The following NUGGC variants were observed in gnomAD, a reference collection of about 807,000 sequenced individuals.
NUGGC encodes nuclear GTPase, germinal center associated.
Under a neutral mutation model 92.6 loss-of-function variants are expected in NUGGC, and 58 were observed. The observed-to-expected ratio is 0.63, with a 90% CI of 0.51 to 0.78. NUGGC has a LOEUF of 0.78. NUGGC is among the 30% of genes least tolerant of loss of function. The probability of loss-of-function intolerance (pLI) is 0.00; values close to 1 mark genes in which losing one functional copy is unlikely to be tolerated. For synonymous variants in NUGGC, 376 were observed against 366.4 expected (o/e 1.03, Z -0.30); for missense variants, 925 against 964.6 (o/e 0.96, Z 0.54).
At chr8:28,042,595 C>T (rs1809728030) in intron 12 of NUGGC, among the ~76,000 whole-genome samples, 2 of 152,176 alleles carry the variant, frequency 1.3e-5, no homozygotes, top group Non-Finnish European at 2.9e-5. Flanking sequence ...ACTGCACTTC[C>T]CACAGTCCTG....
At chr8:28,023,821 A>C (rs962864914) in intron 18 of NUGGC, among the ~76,000 whole-genome samples, 4 of 151,942 alleles carry the variant, frequency 2.6e-5, no homozygotes, top group Non-Finnish European at 5.9e-5. Context: ...CTCCCAGCAC[A>C]ACCCATTCTC....
chr8:28,056,182 A>C (rs1185234385), intron 9 of NUGGC, 128 bp from the exon 10 acceptor site: 10 of 586,624 alleles, frequency 1.7e-5, no homozygotes, highest in Admixed American at 3.1e-5. Context: ...GCACTGTATT[A>C]GAATTATACA....
At chr8:28,037,023 C>T (rs769521024) in intron 13 of NUGGC, among the ~76,000 whole-genome samples, 5 of 152,084 alleles carry the variant, frequency 3.3e-5, no homozygotes, top group African/African-American at 4.8e-5. Flanking sequence ...GGTATAATTA[C>T]CCTGCTAACG....
At chr8:28,076,535 G>A (rs960597218) in intron 1 of NUGGC, among the ~76,000 whole-genome samples, 1 of 152,196 alleles carries the variant, frequency 6.6e-6, no homozygotes, top group Non-Finnish European at 1.5e-5. Context: ...GGACTCAAGT[G>A]ATCCACCCAC....
intron 9 of NUGGC, 24 bp downstream of exon 9, chr8:28,058,234 T>TA (rs769928850): frequency 1.8e-4 from 77 of 438,608 alleles, no homozygotes; most frequent in Non-Finnish European, 1.9e-4. Context: ...AAAATAAAAA[T>TA]AAAAAAAACT....
At chr8:28,040,956 T>C (rs528485898) in intron 13 of NUGGC, 95 bp downstream of exon 13, 6 of 1,281,036 alleles carry the variant, frequency 4.7e-6, no homozygotes, top group Admixed American at 4.5e-5. Context: ...GCTAACTCTT[T>C]ACCTCTTTTG....
chr8:28,036,399 T>C (rs1809555239), intron 13 of NUGGC, among the ~76,000 whole-genome samples: 1 of 151,882 alleles, frequency 6.6e-6, no homozygotes. Context: ...TCTCCACTCC[T>C]CCTCAATCCC....
chr8:28,080,057 T>C (rs1810812635), intron 1 of NUGGC, among the ~76,000 whole-genome samples: 1 of 152,188 alleles, frequency 6.6e-6, no homozygotes, highest in Admixed American at 6.5e-5. Flanking sequence ...TTCTCCTGCC[T>C]CAGCCTCCCG....
intron 1 of NUGGC, among the ~76,000 whole-genome samples, chr8:28,082,674 G>A: frequency 6.6e-6 from 1 of 152,192 alleles, no homozygotes; most frequent in East Asian, 1.9e-4. Flanking sequence ...AGGCTGAGAG[G>A]AGAGGGGATC....
chr8:28,047,032 G>A (rs1413500670), intron 11 of NUGGC, among the ~76,000 whole-genome samples: 10 of 151,442 alleles, frequency 6.6e-5, no homozygotes, highest in African/African-American at 1.5e-4. Context: ...GTGCAATGGC[G>A]CAATCTTGGC....
At chr8:28,060,355 C>G (rs1485579514) in intron 8 of NUGGC, 71 bp downstream of exon 8, 2 of 1,418,344 alleles carry the variant, frequency 1.4e-6, no homozygotes, top group Non-Finnish European at 2.0e-6. Flanking sequence ...AAGCTCCATG[C>G]TACTGTAGTC....
At chr8:28,042,755 T>C (rs892052914) in intron 12 of NUGGC, among the ~76,000 whole-genome samples, 4 of 152,182 alleles carry the variant, frequency 2.6e-5, no homozygotes, top group Non-Finnish European at 4.4e-5. Flanking sequence ...CCATAGACAT[T>C]TGTGGATTGA....
intron 1 of NUGGC, among the ~76,000 whole-genome samples, chr8:28,080,869 G>A (rs1021746623): frequency 6.6e-6 from 1 of 152,152 alleles, no homozygotes; most frequent in East Asian, 1.9e-4. Context: ...GATGTGAATG[G>A]TGGAGCAAAA....
Position 28,022,151 on chromosome 8 carries a change from C to CT in NUGGC, c.*1165dup, listed in dbSNP as rs1809133021. The CT allele has an allele frequency of 7.9e-6, 1 of 125,844 alleles. No individual in the cohort carries two copies. Among genetic ancestry groups the CT allele is most frequent in the Non-Finnish European group, 1.7e-5 (1 of 60,134 alleles). The allele number at this position is 125,844 out of a possible 1,614,324, so 7.8% of individuals were successfully genotyped here. ...TGTGTGTATATATATATATTTTTTT[C>CT]TTTTTCTTTTTTTTTTTTTTTTTTT... On this transcript the variant is annotated 3_prime_UTR_variant, in exon 19 of 19. Transcript: ENST00000413272.
chr8:28,083,439 G>A lies in NUGGC; in HGVS notation c.-47+336C>T, dbSNP rs145300603. The stretch of plus-strand genomic sequence containing the variant: ...AAACAAGGAAAGTCTGAGAAACAAC[G>A]CTACAGCTAAGAGGAGCCTAAGGGA... On this transcript the variant is annotated intron_variant, in intron 1 of 18. Coordinates refer to ENST00000413272, the MANE Select transcript of NUGGC (RefSeq NM_001010906.2). Among the ~76,000 whole-genome samples, 559 of 152,240 alleles carry A rather than the reference G, an allele frequency of 3.7e-3. 6 individuals carry two copies. The highest frequency in any genetic ancestry group is 8.0e-3 in the Admixed American group (122 of 15,302).
In NUGGC at chr8:28,067,549, G is replaced by C; in HGVS notation, c.676C>G (p.Pro226Ala). 1.9e-6 allele frequency: 3 copies of C among 1,612,138 alleles called. No homozygotes were observed. The highest frequency in any genetic ancestry group is 2.5e-6 in the Non-Finnish European group (3 of 1,179,082). The change falls in exon 6 of 19, where the codon CCC (proline) becomes GCC (alanine). Residue 226 changes from proline to alanine, a missense_variant. By Grantham distance (27) the Pro-to-Ala change is conservative. Coordinates refer to ENST00000413272, the MANE Select transcript of NUGGC (RefSeq NM_001010906.2). ...TTGAGGGTGATGACTCTGGAGGTGG[G>C]GATCTTCCTTTTGGGCTTCGCCCTC... ...LLRAKPKRKI[P>A]TSRVITLKAE...
rs1439252882 is a variant in NUGGC at position 28,064,504 on chromosome 8, C to T, written c.921+18G>A. Reference sequence around the variant, plus strand: ...GGAGTTTAGGGAAGAGAGAACTAAACCTACGAAAGACAGTCACCTTTTTCC... The same window carrying T: ...GGAGTTTAGGGAAGAGAGAACTAAATCTACGAAAGACAGTCACCTTTTTCC... On this transcript the variant is annotated intron_variant, in intron 7 of 18. Transcript: ENST00000413272. 1 of 1,610,096 alleles carries T rather than the reference C, an allele frequency of 6.2e-7. No individual in the cohort carries two copies. The highest frequency in any genetic ancestry group is 8.5e-7 in the Non-Finnish European group (1 of 1,176,462).
chr8:28,072,500 G>T (rs1041344747), intron 2 of NUGGC, among the ~76,000 whole-genome samples: 6 of 152,196 alleles, frequency 3.9e-5, no homozygotes, highest in Non-Finnish European at 8.8e-5. Flanking sequence ...GGTAAACAAT[G>T]TTTGCCTAAT....
At position 28,031,350 on chromosome 8, in the gene NUGGC, G is replaced by A; in HGVS notation, c.1801C>T (p.Pro601Ser). The change falls in exon 15 of 19, where the codon CCT (proline) becomes TCT (serine). Residue 601 changes from proline to serine, a missense_variant. Transcript: ENST00000413272. ...TGKPTGSALM[P>S]HIDAFKQSLQ... ...GACTGCTTAAAAGCATCTATGTGAGGCATCAGAGCTGAACCAGTGGGCTTC... is the reference window on the plus strand; with the variant it reads ...GACTGCTTAAAAGCATCTATGTGAGACATCAGAGCTGAACCAGTGGGCTTC... 6.2e-7 allele frequency: 1 copy of A among 1,613,916 alleles called. No individual in the cohort carries two copies. The highest frequency in any genetic ancestry group is 8.5e-7 in the Non-Finnish European group (1 of 1,179,802).
Sources: allele counts gnomAD v4.1 joint callset (sites outside exome capture counted in the v4.1 genomes callset), GRCh38; gene constraint gnomAD v4.1.1; transcripts MANE v1.5; gene names NCBI Gene and HGNC (gene_info 2026-07-23, HGNC 2026-07-21).